GATM: variants seen among roughly 807,000 people sequenced by gnomAD.
GATM encodes the protein glycine amidinotransferase, also known as glycine amidinotransferase, mitochondrial.
A neutral mutation model predicts 54.2 loss-of-function variants in GATM; 23 were observed. The ratio of observed to expected loss-of-function variants is 0.42; its 90% confidence interval spans 0.31 to 0.60. The LOEUF is 0.60. Among genes scored for constraint, GATM ranks in the 20% least tolerant of loss-of-function variants. The pLI, the probability that GATM is intolerant of heterozygous loss-of-function variation, is 0.14. For missense variants in GATM, 401 were observed against 544.9 expected (o/e 0.74, Z 2.63); for synonymous variants, 168 against 183.1 (o/e 0.92, Z 0.67).
rs747005297 is a variant in GATM, at chr15:45,366,149, T to C, written c.875A>G (p.His292Arg). ...ATTGGGATCTTTAAAGGAGATGATA[T>C]GCACTCTGTAGTCTGGAGCAAGATG... is the stretch of plus-strand genomic sequence containing the variant. Reference protein sequence around the residue: ...RRHLAPDYRVHIISFKDPNPM... With the variant: ...RRHLAPDYRVRIISFKDPNPM... Residue 292 changes from histidine to arginine, a missense_variant, in exon 6 of 9, where the codon CAT (histidine) becomes CGT (arginine). This residue lies in a region of GATM where 321 missense variants were observed against 457.5 expected (regional missense o/e 0.70). Transcript: ENST00000396659. 20 of 1,613,908 alleles carry C rather than the reference T, an allele frequency of 1.2e-5. No individual in the cohort carries two copies. The highest frequency in any genetic ancestry group is 1.6e-5 in the Non-Finnish European group (19 of 1,179,896).
intron 6 of GATM, among the ~76,000 whole-genome samples, chr15:45,365,416 T>C (rs538772951): frequency 8.5e-5 from 13 of 152,350 alleles, no homozygotes; most frequent in African/African-American, 2.6e-4. Flanking sequence ...TAAGTAGTCA[T>C]GGTCATCGGG....
chr15:45,388,307 G>T (rs1165114299), intron 3 of GATM, among the ~76,000 whole-genome samples: 1 of 152,188 alleles, frequency 6.6e-6, no homozygotes, highest in African/African-American at 2.4e-5. Flanking sequence ...AAGTTACAAA[G>T]ATAGTACAGA....
rs772135433 is a variant in GATM at position 45,364,869 on chromosome 15, C to T, written c.979-9G>A. 6.2e-7 allele frequency: 1 copy of T among 1,612,900 alleles called. No homozygotes were observed. Among genetic ancestry groups the T allele is most frequent in the Admixed American group, 1.7e-5 (1 of 59,986 alleles). ...TTCTTGAAAAGATCAATCTGTAAGA[C>T]CAAAAAAAACCCCCAAAACCGTTAA... On this transcript the variant is annotated splice_polypyrimidine_tract_variant and intron_variant, in intron 6 of 8. Transcript: ENST00000396659.
chr15:45,366,258 T>C (rs1366479357), intron 5 of GATM, 48 bp from the exon 6 acceptor site: 2 of 1,610,938 alleles, frequency 1.2e-6, no homozygotes. Flanking sequence ...TGGTTCTATG[T>C]CTAGAAAACT....
intron 2 of GATM, among the ~76,000 whole-genome samples, chr15:45,399,068 A>C (rs1397545039): frequency 6.6e-6 from 1 of 152,244 alleles, no homozygotes; most frequent in Non-Finnish European, 1.5e-5. Flanking sequence ...ACCATTTGTC[A>C]CATGTACCTT....
chr15:45,386,941 G>A (rs887752843), intron 3 of GATM, among the ~76,000 whole-genome samples: 36 of 152,146 alleles, frequency 2.4e-4, no homozygotes, highest in Admixed American at 1.1e-3. Context: ...TCAAAGTAGG[G>A]TCCAATATTG....
At position 45,368,898 on chromosome 15, in the gene GATM, G is replaced by A. The variant is rs906377921; in HGVS notation, c.484+428C>T. 6.6e-6 allele frequency among the ~76,000 whole-genome samples: 1 copy of A among 151,922 alleles called. No individual in the cohort carries two copies. Among genetic ancestry groups the A allele is most frequent in the South Asian group, 2.1e-4 (1 of 4,818 alleles). ...GAAACACAGCTCTTAAAGGACTATC[G>A]GTATCACAAGATAAAAATTGAGCCA... On this transcript the variant is annotated intron_variant, in intron 3 of 8. Transcript: ENST00000396659. This position sits in a 1 kb window ranked among gnomAD's most constrained non-coding sequence, Gnocchi z 5.1.
chr15:45,386,673 G>A (rs1198233769), intron 3 of GATM, among the ~76,000 whole-genome samples: 2 of 152,156 alleles, frequency 1.3e-5, no homozygotes, highest in African/African-American at 4.8e-5. Flanking sequence ...CTTGTTGCTG[G>A]TAGGGAATTT....
chr15:45,386,663 C>T (rs1252888730), intron 3 of GATM, among the ~76,000 whole-genome samples: 1 of 152,158 alleles, frequency 6.6e-6, no homozygotes, highest in East Asian at 1.9e-4. Context: ...GTCTGTCTCG[C>T]TTGTTGCTGG....
chr15:45,400,573 C>G (rs1380600428), intron 1 of GATM, among the ~76,000 whole-genome samples: 1 of 152,174 alleles, frequency 6.6e-6, no homozygotes, highest in African/African-American at 2.4e-5. Context: ...TAAAATCAAC[C>G]TCTTAGACCA....
intron 2 of GATM, among the ~76,000 whole-genome samples, chr15:45,373,003 T>C (rs1482558715): frequency 6.6e-6 from 1 of 152,250 alleles, no homozygotes; most frequent in African/African-American, 2.4e-5. Flanking sequence ...CTTGAACCTT[T>C]ATATTCTTTC....
At chr15:45,391,547 G>A (rs1299318802) in intron 3 of GATM, among the ~76,000 whole-genome samples, 2 of 152,228 alleles carry the variant, frequency 1.3e-5, no homozygotes, top group African/African-American at 4.8e-5. Context: ...ATCAGCAGAG[G>A]AAAAATAGCT....
rs1236954285 is a variant in GATM at position 45,366,460 on chromosome 15, C to G, written c.724G>C (p.Gly242Arg). The change falls in exon 5 of 9, where the codon GGA becomes CGA. Residue 242 changes from glycine (G) to arginine (R), a missense_variant. By Grantham distance (125) the Gly-to-Arg change is moderately radical. This residue lies in a region of GATM where 321 missense variants were observed against 457.5 expected (regional missense o/e 0.70). Transcript: ENST00000396659. ...TCAAACTCAGTTGTCACAAATTTTC[C>G]CTGAGCAGCCAATTTGTGTCTGTCT... The part of the protein sequence containing the change: ...VEDRHKLAAQ[G>R]KFVTTEFEPC... 6.2e-7 allele frequency: 1 copy of G among 1,613,954 alleles called. No individual in the cohort carries two copies. The highest frequency in any genetic ancestry group is 8.5e-7 in the Non-Finnish European group (1 of 1,179,994).
chr15:45,361,216 A>C lies in GATM; in HGVS notation c.*893T>G, dbSNP rs937829427. ...CACATCGCATTTAGGTTTTACCTCC[A>C]TTAGTTTTTTTTAATGCTTATAAAG... On this transcript the variant is annotated 3_prime_UTR_variant, in exon 9 of 9. Transcript: ENST00000396659. 3.3e-5 allele frequency: 5 copies of C among 152,160 alleles called. No individual in the cohort carries two copies. Among genetic ancestry groups the C allele is most frequent in the Non-Finnish European group, 7.3e-5 (5 of 68,028 alleles). The allele number at this position is 152,160 out of a possible 1,614,324, so 9.4% of individuals were successfully genotyped here.
rs1889358487 is a variant in GATM at position 45,361,279 on chromosome 15, C to A, written c.*830G>T. 2 of 152,028 alleles carry A rather than the reference C, an allele frequency of 1.3e-5. No individual in the cohort carries two copies. The highest frequency in any genetic ancestry group is 2.9e-5 in the Non-Finnish European group (2 of 68,002). The allele number at this position is 152,028 out of a possible 1,614,324, so 9.4% of individuals were successfully genotyped here. A position where few individuals can be genotyped will look rare whatever the true frequency, so the allele number is the denominator to read the frequency against. ...ATAATTTGCACATTTGTAAACAAAT[C>A]TTAGATGACCAAAGATGCAGTGTAT... On this transcript the variant is annotated 3_prime_UTR_variant, in exon 9 of 9. Transcript: ENST00000396659.
chr15:45,376,142 G>A (rs1172752227), intron 2 of GATM, among the ~76,000 whole-genome samples: 1 of 152,142 alleles, frequency 6.6e-6, no homozygotes, highest in Non-Finnish European at 1.5e-5. Context: ...CAGGTGGCTG[G>A]CAACTGAACT....
intron 3 of GATM, among the ~76,000 whole-genome samples, chr15:45,393,646 G>A (rs1412092086): frequency 1.3e-5 from 2 of 152,184 alleles, no homozygotes; most frequent in Admixed American, 1.3e-4. Context: ...CATACAGGTT[G>A]AGTATCCCTT....
At chr15:45,369,936 T>A (rs761671286) in intron 2 of GATM, among the ~76,000 whole-genome samples, 7 of 152,148 alleles carry the variant, frequency 4.6e-5, no homozygotes, top group Non-Finnish European at 1.5e-5. Context: ...AAAGCACTTA[T>A]ACTAAGCCAA....
intron 3 of GATM, among the ~76,000 whole-genome samples, chr15:45,393,078 T>C (rs1363938423): frequency 6.6e-6 from 1 of 152,252 alleles, no homozygotes; most frequent in Non-Finnish European, 1.5e-5. Flanking sequence ...TATCATGATA[T>C]TGTGGTATTC....
Sources: gnomAD v4.1 joint callset for allele counts (sites outside exome capture counted in the v4.1 genomes callset) on GRCh38, gnomAD v4.1.1 for gene constraint, gnomAD v4.1.1 regional missense constraint, Gnocchi (gnomAD v3.1) non-coding constraint, MANE v1.5 for transcripts, NCBI Gene and HGNC (gene_info 2026-07-23, HGNC 2026-07-21) for gene names.